Variants in KLRD1 observed in about 807,000 individuals in gnomAD.
KLRD1 encodes natural killer cells antigen CD94.
KLRD1 carries 21 observed loss-of-function variants against 22.6 expected under a neutral mutation model. The observed-to-expected ratio is 0.93, with a 90% confidence interval of 0.66 to 1.34. The LOEUF (loss-of-function observed/expected upper bound fraction) is 1.34. Ranked by LOEUF, KLRD1 falls within the 40% of genes most tolerant of loss-of-function variation. The pLI, the probability that KLRD1 is intolerant of heterozygous loss-of-function variation, is 0.00. For missense variants in KLRD1, 183 were observed against 208.6 expected (o/e 0.88, Z 0.76); for synonymous variants, 59 against 71.1 (o/e 0.83, Z 0.85).
chr12:10,251,996 C>T (rs555086367), intron 1 of KLRD1, among the ~76,000 whole-genome samples: 1 of 152,300 alleles, frequency 6.6e-6, no homozygotes, highest in East Asian at 1.9e-4. Flanking sequence ...GACCTCTGGT[C>T]TGGTCAATTA....
chr12:10,304,428 T>A (rs527310390), upstream of KLRD1: 1 of 150,116 alleles, frequency 6.7e-6, no homozygotes, highest in East Asian at 2.2e-4. Context: ...AGTTTTATGC[T>A]TTTTTTTTAT....
At chr12:10,306,356 G>C (rs561515338), upstream of KLRD1, among the ~76,000 whole-genome samples, 1 of 152,110 alleles carries the variant, frequency 6.6e-6, no homozygotes, top group South Asian at 2.1e-4. Flanking sequence ...TTATTTCTAA[G>C]TCAGTGAACT....
Position 10,321,563 on chromosome 12 carries a change from G to C in KLRD1, c.*6770G>C, listed in dbSNP as rs553379162. On this transcript the variant is annotated 3_prime_UTR_variant, in exon 6 of 6. Coordinates refer to ENST00000336164, the MANE Select transcript of KLRD1 (RefSeq NM_002262.5). ...GATATAATCAATTACATTGTATAAG[G>C]GTTGATCACTGTGACCAAGAGAATA... 2 of 152,258 alleles carry C rather than the reference G, an allele frequency of 1.3e-5. No homozygotes were observed. Among genetic ancestry groups the C allele is most frequent in the East Asian group, 3.9e-4 (2 of 5,188 alleles). The allele number at this position is 152,258 out of a possible 1,614,324, so 9.4% of individuals were successfully genotyped here. A position where few individuals can be genotyped will look rare whatever the true frequency, so the allele number is the denominator to read the frequency against.
intron 1 of KLRD1, among the ~76,000 whole-genome samples, chr12:10,270,762 G>A (rs952682336): frequency 6.7e-6 from 1 of 148,720 alleles, no homozygotes; most frequent in Non-Finnish European, 1.5e-5. Flanking sequence ...CCTACTGTGG[G>A]TTTAGTTCAT....
At chr12:10,286,259 G>A (rs1949701714) in intron 1 of KLRD1, among the ~76,000 whole-genome samples, 1 of 152,246 alleles carries the variant, frequency 6.6e-6, no homozygotes, top group Non-Finnish European at 1.5e-5. Context: ...GGAGATTTCC[G>A]TGAAAGCTTA....
At chr12:10,246,338 AATAT>A in intron 1 of KLRD1, among the ~76,000 whole-genome samples, 1 of 151,558 alleles carries the variant, frequency 6.6e-6, no homozygotes, top group African/African-American at 2.4e-5. Flanking sequence ...TAAAATTATG[AATAT>A]ATACTACATT....
chr12:10,309,783 TTAGTAA>T, intron 3 of KLRD1, 95 bp downstream of exon 3: 1 of 842,820 alleles, frequency 1.2e-6, no homozygotes. Context: ...AATATTATAC[TTAGTAA>T]TAGAAATTTG....
chr12:10,276,505 G>T (rs1350121259), intron 1 of KLRD1, among the ~76,000 whole-genome samples: 1 of 151,942 alleles, frequency 6.6e-6, no homozygotes, highest in Non-Finnish European at 1.5e-5. Context: ...AAATATCTTG[G>T]TATTGAGAAT....
At chr12:10,268,600 G>A (rs138026443) in intron 1 of KLRD1, among the ~76,000 whole-genome samples, 307 of 152,124 alleles carry the variant, frequency 2.0e-3, no homozygotes, top group African/African-American at 6.9e-3. Context: ...AAGAAAGCGC[G>A]TCATCTGCAT....
chr12:10,248,860 T>C (rs7137689), intron 1 of KLRD1, among the ~76,000 whole-genome samples: 141,918 of 151,926 alleles, frequency 0.93, 67,064 homozygotes, highest in East Asian at 1. Flanking sequence ...GGCCTCCCAA[T>C]GTGTTGGGAT....
chr12:10,265,541 G>A (rs1949490977), intron 1 of KLRD1, among the ~76,000 whole-genome samples: 1 of 152,192 alleles, frequency 6.6e-6, no homozygotes, highest in Admixed American at 6.5e-5. Context: ...TGGATCACCT[G>A]AAGTCAGGAG....
intron 1 of KLRD1, among the ~76,000 whole-genome samples, chr12:10,297,283 A>G (rs768267741): frequency 5.3e-5 from 8 of 152,212 alleles, no homozygotes; most frequent in Non-Finnish European, 1.0e-4. Context: ...TTGTATGCAA[A>G]CACTTTTATA....
At chr12:10,276,838 G>A (rs1442404401) in intron 1 of KLRD1, among the ~76,000 whole-genome samples, 1 of 152,100 alleles carries the variant, frequency 6.6e-6, no homozygotes, top group Admixed American at 6.6e-5. Flanking sequence ...AGAAGATGAA[G>A]TTTCTTTTTA....
At chr12:10,289,433 A>G (rs961351777) in intron 1 of KLRD1, among the ~76,000 whole-genome samples, 4 of 152,222 alleles carry the variant, frequency 2.6e-5, no homozygotes, top group South Asian at 2.1e-4. Context: ...ACTTCTTTCT[A>G]TGCTAAACAA....
At chr12:10,249,196 CAGGGGACAGGGG>C (rs1200692736) in intron 1 of KLRD1, among the ~76,000 whole-genome samples, 1 of 152,084 alleles carries the variant, frequency 6.6e-6, no homozygotes, top group African/African-American at 2.4e-5. Flanking sequence ...TTAGGCTTAA[CAGGGGACAGGGG>C]AGTTGCTAAC....
At chr12:10,250,986 G>A (rs1365402233) in intron 1 of KLRD1, among the ~76,000 whole-genome samples, 2 of 152,104 alleles carry the variant, frequency 1.3e-5, no homozygotes, top group Non-Finnish European at 2.9e-5. Flanking sequence ...CTTATTTAAT[G>A]TAGTCATAAT....
intron 1 of KLRD1, among the ~76,000 whole-genome samples, chr12:10,297,251 G>A (rs117117730): frequency 0.013 from 2,022 of 152,210 alleles, 23 homozygotes; most frequent in Non-Finnish European, 0.022. Flanking sequence ...AAAGAGAAAC[G>A]TTGAAATTAA....
intron 1 of KLRD1, among the ~76,000 whole-genome samples, chr12:10,246,232 T>C (rs1403593031): frequency 1.3e-5 from 2 of 152,170 alleles, no homozygotes; most frequent in East Asian, 1.9e-4. Flanking sequence ...CTTGTCACTA[T>C]AGTCTGAATG....
At chr12:10,251,284 C>T (rs144565278) in intron 1 of KLRD1, among the ~76,000 whole-genome samples, 29 of 152,138 alleles carry the variant, frequency 1.9e-4, no homozygotes, top group African/African-American at 6.7e-4. Context: ...ACCACCAAGC[C>T]GGGCTAGTTT....
Sources: allele counts gnomAD v4.1 joint callset (sites outside exome capture counted in the v4.1 genomes callset), GRCh38; gene constraint gnomAD v4.1.1; transcripts MANE v1.5; gene names NCBI Gene and HGNC (gene_info 2026-07-23, HGNC 2026-07-21).